The following PRH1 variants were observed in gnomAD, a reference collection of about 807,000 sequenced individuals.
PRH1 encodes the protein salivary acidic proline-rich phosphoprotein 1/2.
PRH1 carries 7 observed loss-of-function variants against 7.9 expected under a neutral mutation model. The observed-to-expected ratio is 0.89, with a 90% confidence interval of 0.50 to 1.67. The LOEUF (loss-of-function observed/expected upper bound fraction) is 1.67. Ranked by LOEUF, PRH1 falls within the 40% of genes most tolerant of loss-of-function variation. The pLI, the probability that PRH1 is intolerant of heterozygous loss-of-function variation, is 0.00. For missense variants in PRH1, 109 were observed against 223.6 expected (o/e 0.49, Z 3.27); for synonymous variants, 45 against 80.8 (o/e 0.56, Z 2.38).
chr12:11,148,434 T>C lies in PRH1; in HGVS notation n.39+22988A>G, dbSNP rs1350426695. Among the ~76,000 whole-genome samples the C allele has an allele frequency of 5.0e-4, 71 of 142,518 alleles. 1 individual carries two copies. The highest frequency in any genetic ancestry group is 4.4e-4 in the Non-Finnish European group (28 of 64,076). The allele number at this position is 142,518 out of a possible 152,430, so 93.5% of individuals were successfully genotyped here. On this transcript the variant is annotated intron_variant and non_coding_transcript_variant, in intron 1 of 1. Transcript: ENST00000541175. ...ATATTGGCTGTGGGTCTGTCATAGA[T>C]AGCTCTTATTATTTTGAGATACGTC... is the stretch of plus-strand genomic sequence containing the variant.
intron 2 of PRH1, among the ~76,000 whole-genome samples, chr12:10,939,686 G>A (rs1300355455): frequency 1.3e-5 from 2 of 151,868 alleles, no homozygotes; most frequent in African/African-American, 4.8e-5. Context: ...TGTTTGGGTG[G>A]AGAAAAATGG....
At chr12:10,932,604 A>G (rs1194637968) in intron 2 of PRH1, among the ~76,000 whole-genome samples, 1 of 152,216 alleles carries the variant, frequency 6.6e-6, no homozygotes, top group African/African-American at 2.4e-5. Context: ...AGAAAGTCCC[A>G]GAAGCTGAGA....
At chr12:10,962,697 GCTAT>G (rs1463105437) in intron 2 of PRH1, among the ~76,000 whole-genome samples, 1 of 151,744 alleles carries the variant, frequency 6.6e-6, no homozygotes, top group South Asian at 2.1e-4. Context: ...AATATTTTTG[GCTAT>G]CTATTTTTTA....
chr12:10,981,351 A>G (rs1233757796), intron 1 of PRH1, among the ~76,000 whole-genome samples: 1 of 146,558 alleles, frequency 6.8e-6, no homozygotes, highest in East Asian at 2.0e-4. Context: ...ACGGTGGCAA[A>G]TTTTTACTTC....
chr12:10,939,264 T>C, intron 2 of PRH1: 1 of 999,638 alleles, frequency 1.0e-6, no homozygotes, highest in South Asian at 1.7e-5. Context: ...TCTTAATGCA[T>C]TCATCTAAAA....
chr12:10,997,349 T>C (rs755381582), intron 1 of PRH1: 3 of 1,614,002 alleles, frequency 1.9e-6, no homozygotes, highest in African/African-American at 2.7e-5. Flanking sequence ...TACAGTCAAG[T>C]TGGAAAGGTG....
intron 2 of PRH1, among the ~76,000 whole-genome samples, chr12:10,929,769 A>T (rs1211860159): frequency 6.6e-6 from 1 of 152,142 alleles, no homozygotes; most frequent in Non-Finnish European, 1.5e-5. Flanking sequence ...AATTGGGTAA[A>T]CACTTGCCTC....
chr12:11,166,996 A>C (rs893706498), intron 1 of PRH1, among the ~76,000 whole-genome samples: 1 of 152,216 alleles, frequency 6.6e-6, no homozygotes, highest in African/African-American at 2.4e-5. Context: ...TTAAGGGCTC[A>C]TATGATTAGA....
chr12:10,938,122 G>T, intron 2 of PRH1: 2 of 620,270 alleles, frequency 3.2e-6, no homozygotes, highest in Non-Finnish European at 5.5e-6. Flanking sequence ...TTTGTGATAT[G>T]TTTGGATGGT....
intron 1 of PRH1, among the ~76,000 whole-genome samples, chr12:11,101,037 C>A (rs1945227365): frequency 6.6e-6 from 1 of 152,076 alleles, no homozygotes; most frequent in African/African-American, 2.4e-5. Flanking sequence ...GAATTTCTTA[C>A]ACTTTCAAAT....
chr12:10,969,030 A>G (rs569650278), intron 2 of PRH1, among the ~76,000 whole-genome samples: 3 of 152,356 alleles, frequency 2.0e-5, no homozygotes, highest in South Asian at 2.1e-4. Flanking sequence ...CCAGCTTCCA[A>G]GAAAAATGAG....
At chr12:11,132,229 G>A (rs1287322141) in intron 1 of PRH1, among the ~76,000 whole-genome samples, 1 of 32,744 alleles carries the variant, frequency 3.1e-5, no homozygotes, top group African/African-American at 5.3e-5. Context: ...AATTACACTA[G>A]GACAAATCCC....
At chr12:11,085,313 G>A (rs956756780) in intron 1 of PRH1, among the ~76,000 whole-genome samples, 1 of 149,844 alleles carries the variant, frequency 6.7e-6, no homozygotes, top group Non-Finnish European at 1.5e-5. Context: ...TCCTTAAAAG[G>A]ACTCAAAGAA....
chr12:11,067,315 A>G (rs567398128), intron 1 of PRH1, among the ~76,000 whole-genome samples: 14 of 152,226 alleles, frequency 9.2e-5, no homozygotes, highest in Admixed American at 2.6e-4. Flanking sequence ...TATGAATACA[A>G]ATATTTCATT....
rs1157514747 is a variant in PRH1 at position 11,022,140 on chromosome 12, A to G, written c.-126+24880T>C. 3.1e-6 allele frequency: 5 copies of G among 1,613,860 alleles called. No individual in the cohort carries two copies. In the African/African-American group the frequency reaches 6.7e-5, roughly 22 times the overall value. ...CTCTCTCATCCATGGTTATCACAGC[A>G]AGATTACAAATCAGAAATACCAAGG... is the stretch of plus-strand genomic sequence containing the variant. On this transcript the variant is annotated intron_variant, in intron 1 of 3. Transcript: ENST00000539853.
chr12:11,147,582 T>A (rs1946905377), intron 1 of PRH1, among the ~76,000 whole-genome samples: 1 of 152,230 alleles, frequency 6.6e-6, no homozygotes, highest in South Asian at 2.1e-4. Context: ...CCTTGTTATC[T>A]TTTCTTATGC....
chr12:10,965,867 G>A (rs967468852), intron 2 of PRH1, among the ~76,000 whole-genome samples: 1 of 152,146 alleles, frequency 6.6e-6, no homozygotes, highest in Non-Finnish European at 1.5e-5. Context: ...GATTTAAATA[G>A]ACAAAATCCA....
chr12:11,156,117 T>C (rs758241218), intron 1 of PRH1, among the ~76,000 whole-genome samples: 3 of 152,212 alleles, frequency 2.0e-5, no homozygotes, highest in Non-Finnish European at 4.4e-5. Context: ...CTTTTTTCTA[T>C]CTGAAAATGT....
upstream of PRH1, among the ~76,000 whole-genome samples, chr12:11,049,883 ATTG>A (rs1263129354): frequency 3.9e-5 from 6 of 152,182 alleles, no homozygotes; most frequent in Admixed American, 6.5e-5. Context: ...ATATGACATC[ATTG>A]TTAATAAGCT....
Sources: gnomAD v4.1 joint callset for allele counts (sites outside exome capture counted in the v4.1 genomes callset) on GRCh38, gnomAD v4.1.1 for gene constraint, MANE v1.5 for transcripts, NCBI Gene and HGNC (gene_info 2026-07-23, HGNC 2026-07-21) for gene names.